The following ATP2B2 variants were observed in gnomAD, a reference collection of about 807,000 sequenced individuals.
ATP2B2 encodes the protein plasma membrane calcium-transporting ATPase 2.
ATP2B2 carries 15 observed loss-of-function variants against 120.0 expected under a neutral mutation model. The observed-to-expected ratio is 0.12, with a 90% confidence interval of 0.08 to 0.19. The LOEUF (loss-of-function observed/expected upper bound fraction) is 0.19, where lower values mean the gene tolerates loss of function less well. Ranked by LOEUF, ATP2B2 falls within the 10% of genes least tolerant of loss-of-function variation. The pLI is 1.00. For synonymous variants in ATP2B2, 694 were observed against 700.3 expected (o/e 0.99, Z 0.14); for missense variants, 1,045 against 1,719.8 (o/e 0.61, Z 6.94).
chr3:10,532,646 A>T (rs957652727), intron 3 of ATP2B2, among the ~76,000 whole-genome samples: 10 of 152,376 alleles, frequency 6.6e-5, no homozygotes, highest in Admixed American at 5.2e-4. Flanking sequence ...GGCATTAAAT[A>T]AATATGTGAG....
At chr3:10,581,307 C>A (rs1218555241) in intron 2 of ATP2B2, among the ~76,000 whole-genome samples, 1 of 152,210 alleles carries the variant, frequency 6.6e-6, no homozygotes, top group Non-Finnish European at 1.5e-5. Context: ...AGGAGCCCCA[C>A]AAGGCTCTGG....
chr3:10,420,963 G>A (rs1466822842), intron 2 of ATP2B2, among the ~76,000 whole-genome samples: 2 of 152,222 alleles, frequency 1.3e-5, no homozygotes, highest in African/African-American at 4.8e-5. Flanking sequence ...GGATTGCAAT[G>A]TGCAGCAGGG....
intron 8 of ATP2B2, 120 bp downstream of exon 8, chr3:10,385,148 A>T: frequency 1.0e-6 from 1 of 1,001,112 alleles, no homozygotes. Flanking sequence ...TGACTGTCCC[A>T]GCGGCCCATG....
At chr3:10,470,665 T>C (rs958458002) in intron 1 of ATP2B2, among the ~76,000 whole-genome samples, 4 of 152,186 alleles carry the variant, frequency 2.6e-5, no homozygotes, top group African/African-American at 7.2e-5. Context: ...CTGTGCCAAG[T>C]TCACTGGCAG....
upstream of ATP2B2, among the ~76,000 whole-genome samples, chr3:10,508,502 G>A (rs904816401): frequency 2.6e-5 from 4 of 152,362 alleles, no homozygotes; most frequent in Admixed American, 6.5e-5. Flanking sequence ...AGGCTTGAAT[G>A]AGTCTGCTGG....
At chr3:10,345,326 C>A in intron 18 of ATP2B2, 58 bp downstream of exon 18, 2 of 1,595,038 alleles carry the variant, frequency 1.3e-6, no homozygotes, top group Non-Finnish European at 1.7e-6. Context: ...GGCCCCCGAG[C>A]CTCTGTGGGG....
rs527963002 is a variant in ATP2B2, at chr3:10,473,811, G to A, written c.-319-23949C>T. On this transcript the variant is annotated intron_variant, in intron 1 of 22. Coordinates refer to ENST00000360273, the MANE Select transcript of ATP2B2 (RefSeq NM_001001331.4). ...CTTTTAGTAACTCAAAGAAGGCCAC[G>A]TGGCTGGGGCTTGTGATGAGAGAGA... Among the ~76,000 whole-genome samples the A allele has an allele frequency of 1.6e-4, 24 of 152,334 alleles. No homozygotes were observed. The South Asian group carries it at 3.5e-3, about 22-fold the overall frequency.
chr3:10,588,129 G>A (rs1323635112), intron 2 of ATP2B2, among the ~76,000 whole-genome samples: 2 of 152,154 alleles, frequency 1.3e-5, no homozygotes, highest in Non-Finnish European at 2.9e-5. Context: ...CGTATTTCAG[G>A]TGCTGTGCTC....
intron 1 of ATP2B2, among the ~76,000 whole-genome samples, chr3:10,471,591 G>A (rs987516964): frequency 2.6e-5 from 4 of 151,756 alleles, no homozygotes; most frequent in African/African-American, 9.7e-5. Context: ...GAAAGGAGGC[G>A]GAAGAGGGAG....
At chr3:10,706,812 A>T (rs1246426574) in intron 1 of ATP2B2, among the ~76,000 whole-genome samples, 1 of 152,204 alleles carries the variant, frequency 6.6e-6, no homozygotes, top group African/African-American at 2.4e-5. Flanking sequence ...TCACACAGCT[A>T]GTAAGAGACA....
intron 22 of ATP2B2, among the ~76,000 whole-genome samples, chr3:10,331,439 G>C (rs1208495397): frequency 6.6e-6 from 1 of 152,320 alleles, no homozygotes; most frequent in East Asian, 1.9e-4. Flanking sequence ...GTGTGGGGCA[G>C]GGGGATGGTG....
At chr3:10,528,802 A>G (rs1271111004) in intron 3 of ATP2B2, among the ~76,000 whole-genome samples, 1 of 152,242 alleles carries the variant, frequency 6.6e-6, no homozygotes, top group Non-Finnish European at 1.5e-5. Context: ...TGCTTTTAAA[A>G]ATACGGTTTA....
chr3:10,456,263 G>A (rs930925039), intron 1 of ATP2B2, among the ~76,000 whole-genome samples: 2 of 152,192 alleles, frequency 1.3e-5, no homozygotes, highest in African/African-American at 4.8e-5. Context: ...ATAACTTCTG[G>A]ATGCCAAATT....
intron 1 of ATP2B2, among the ~76,000 whole-genome samples, chr3:10,628,361 C>G (rs114308568): frequency 0.014 from 2,087 of 152,336 alleles, 54 homozygotes; most frequent in African/African-American, 0.047. Context: ...GGTGGCCAGA[C>G]TGGGTGGTGG....
chr3:10,611,181 C>T (rs2069227557), intron 2 of ATP2B2, among the ~76,000 whole-genome samples: 1 of 152,176 alleles, frequency 6.6e-6, no homozygotes, highest in Admixed American at 6.5e-5. Context: ...GGTGTGACTC[C>T]TGGTTTTGGG....
At chr3:10,432,647 G>A (rs548719832) in intron 2 of ATP2B2, among the ~76,000 whole-genome samples, 49 of 152,398 alleles carry the variant, frequency 3.2e-4, no homozygotes, top group Non-Finnish European at 5.7e-4. Flanking sequence ...CACGCCAGAA[G>A]CGAATCTCAC....
intron 2 of ATP2B2, among the ~76,000 whole-genome samples, chr3:10,448,103 A>G (rs2063902613): frequency 6.6e-6 from 1 of 152,230 alleles, no homozygotes; most frequent in African/African-American, 2.4e-5. Flanking sequence ...AGAGTCCAGC[A>G]GGGCCCAGGG....
At chr3:10,487,330 C>A (rs543134855) in intron 1 of ATP2B2, among the ~76,000 whole-genome samples, 244 of 152,166 alleles carry the variant, frequency 1.6e-3, no homozygotes, top group African/African-American at 5.6e-3. Context: ...CCAGATGAGA[C>A]CAAAGAACAA....
At chr3:10,529,901 T>C (rs969037997) in intron 3 of ATP2B2, among the ~76,000 whole-genome samples, 1 of 152,164 alleles carries the variant, frequency 6.6e-6, no homozygotes, top group African/African-American at 2.4e-5. Context: ...GCTACTTCTC[T>C]ACTCCAAGGA....
Sources: allele counts gnomAD v4.1 joint callset (sites outside exome capture counted in the v4.1 genomes callset), GRCh38; gene constraint gnomAD v4.1.1; transcripts MANE v1.5; gene names NCBI Gene and HGNC (gene_info 2026-07-23, HGNC 2026-07-21).